ENTPD1: variants seen among roughly 807,000 people sequenced by gnomAD.
ENTPD1 encodes ectonucleoside triphosphate diphosphohydrolase 1.
ENTPD1 carries 33 observed loss-of-function variants against 57.0 expected under a neutral mutation model. The ratio of observed to expected loss-of-function variants is 0.58; its 90% confidence interval spans 0.44 to 0.77. ENTPD1 has a LOEUF of 0.77. Ranked by LOEUF, ENTPD1 falls within the 30% of genes least tolerant of loss-of-function variation. The pLI, the probability that ENTPD1 is intolerant of heterozygous loss-of-function variation, is 0.00. For synonymous variants in ENTPD1, 202 were observed against 218.8 expected (o/e 0.92, Z 0.68); for missense variants, 501 against 603.4 (o/e 0.83, Z 1.78).
chr10:95,756,687 T>C (rs12262943), intron 1 of ENTPD1: 9,385 of 168,922 alleles, frequency 0.056, 507 homozygotes, highest in East Asian at 0.16. Flanking sequence ...TCTTGCATGC[T>C]TTCCTGTTGT....
At chr10:95,781,065 C>T (rs2098155707) in intron 1 of ENTPD1, among the ~76,000 whole-genome samples, 1 of 152,162 alleles carries the variant, frequency 6.6e-6, no homozygotes, top group South Asian at 2.1e-4. Flanking sequence ...CAATGGACTG[C>T]TATTCAGCCA....
At chr10:95,766,448 G>A (rs1294789899) in intron 1 of ENTPD1, among the ~76,000 whole-genome samples, 1 of 152,038 alleles carries the variant, frequency 6.6e-6, no homozygotes, top group Non-Finnish European at 1.5e-5. Flanking sequence ...CTCTAACAGT[G>A]CTTCAAATAA....
chr10:95,764,774 G>C (rs1214402636), intron 1 of ENTPD1, among the ~76,000 whole-genome samples: 1 of 142,438 alleles, frequency 7.0e-6, no homozygotes, highest in Non-Finnish European at 1.5e-5. Flanking sequence ...CCAGGCTGGA[G>C]TGTGATGGCG....
intron 1 of ENTPD1, among the ~76,000 whole-genome samples, chr10:95,743,997 CATATATATATATAT>C (rs57187898): frequency 0.036 from 2,923 of 80,994 alleles, 113 homozygotes; most frequent in African/African-American, 0.077. Flanking sequence ...TATTTTAAAC[CATATATATATATAT>C]ATATATATAT....
chr10:95,831,946 C>G (rs1340560443), intron 2 of ENTPD1, among the ~76,000 whole-genome samples: 1 of 152,212 alleles, frequency 6.6e-6, no homozygotes, highest in Non-Finnish European at 1.5e-5. Context: ...ATTGTAGGCC[C>G]TGGCATATAT....
chr10:95,874,086 C>T lies in ENTPD1; in HGVS notation c.*7703C>T, dbSNP rs555453966. On this transcript the variant is annotated 3_prime_UTR_variant, in exon 10 of 10. Transcript: ENST00000371205. ...GCTCCTCCAAATTTCATAATCCTCACATTTCAAAACCAATCATTCCTTCCC... is the reference window on the plus strand; with the variant it reads ...GCTCCTCCAAATTTCATAATCCTCATATTTCAAAACCAATCATTCCTTCCC... Among the ~76,000 whole-genome samples, 65 of 152,302 alleles carry T rather than the reference C, an allele frequency of 4.3e-4. 2 individuals carry two copies. The South Asian group carries it at 0.013, about 31-fold the overall frequency.
intron 1 of ENTPD1, among the ~76,000 whole-genome samples, chr10:95,771,961 AGTAAC>A (rs2098117203): frequency 6.6e-6 from 1 of 152,244 alleles, no homozygotes; most frequent in Non-Finnish European, 1.5e-5. Context: ...CTACAAAGGA[AGTAAC>A]GTGATTAAAA....
chr10:95,767,109 A>C (rs926203868), intron 1 of ENTPD1, among the ~76,000 whole-genome samples: 3 of 151,788 alleles, frequency 2.0e-5, no homozygotes, highest in Non-Finnish European at 2.9e-5. Context: ...ATAAAAGAAA[A>C]GCATTCCATC....
intron 1 of ENTPD1, among the ~76,000 whole-genome samples, chr10:95,743,567 T>A (rs906913764): frequency 6.6e-6 from 1 of 152,230 alleles, no homozygotes; most frequent in African/African-American, 2.4e-5. Flanking sequence ...ATTTGTTTAT[T>A]TAATAATTCA....
intron 2 of ENTPD1, chr10:95,839,225 C>A: frequency 5.1e-6 from 1 of 194,554 alleles, no homozygotes; most frequent in Non-Finnish European, 1.1e-5. Context: ...GACACAATAC[C>A]ACATCAATTA....
At chr10:95,756,285 C>A in intron 1 of ENTPD1, 30 bp downstream of exon 1, 1 of 1,555,800 alleles carries the variant, frequency 6.4e-7, no homozygotes, top group Non-Finnish European at 8.7e-7. Flanking sequence ...GATCTGAATC[C>A]TTAAGAAAAA....
intron 1 of ENTPD1, among the ~76,000 whole-genome samples, chr10:95,744,331 T>C (rs1387072405): frequency 6.6e-6 from 1 of 152,120 alleles, no homozygotes; most frequent in Non-Finnish European, 1.5e-5. Flanking sequence ...CTGTAGACTT[T>C]ACTCACATCT....
At chr10:95,697,523 G>A in the ENTPD1 span, among the ~76,000 whole-genome samples, 2 of 152,176 alleles carry the variant, frequency 1.3e-5, no homozygotes, top group African/African-American at 4.8e-5. Context: ...TGATCATGAG[G>A]TCTCTGCCTT....
At chr10:95,741,914 G>A (rs1566098289) in intron 1 of ENTPD1, among the ~76,000 whole-genome samples, 1 of 152,194 alleles carries the variant, frequency 6.6e-6, no homozygotes, top group Non-Finnish European at 1.5e-5. Context: ...AGGGCCTAAT[G>A]TAAAGGAGAA....
intron 1 of ENTPD1, among the ~76,000 whole-genome samples, chr10:95,815,699 C>T (rs1471345535): frequency 6.6e-6 from 1 of 152,034 alleles, no homozygotes; most frequent in Non-Finnish European, 1.5e-5. Flanking sequence ...TGTATCCATA[C>T]GGGTCTGCAG....
chr10:95,698,973 G>GA, the ENTPD1 span, among the ~76,000 whole-genome samples: 35 of 151,994 alleles, frequency 2.3e-4, no homozygotes, highest in African/African-American at 7.7e-4. Flanking sequence ...ATTTGAAAAA[G>GA]AAAAAACCCA....
In ENTPD1 at chr10:95,871,637, T is replaced by C. The variant is rs1358551187; in HGVS notation, c.*5254T>C. 3 of 985,286 alleles carry C rather than the reference T, an allele frequency of 3.0e-6. No individual in the cohort carries two copies. The highest frequency in any genetic ancestry group is 3.6e-6 in the Non-Finnish European group (3 of 829,902). The allele number at this position is 985,286 out of a possible 1,614,324, so 61.0% of individuals were successfully genotyped here. ...AAAAGTGGCATTCAAGACTCTTCAT[T>C]TGAAGTGAAGATTGCTATGTCTTTT... On this transcript the variant is annotated 3_prime_UTR_variant, in exon 10 of 10. Coordinates refer to ENST00000371205, the MANE Select transcript of ENTPD1 (RefSeq NM_001776.6).
intron 1 of ENTPD1, among the ~76,000 whole-genome samples, chr10:95,802,163 T>C (rs765988712): frequency 2.6e-5 from 4 of 152,178 alleles, no homozygotes; most frequent in Non-Finnish European, 4.4e-5. Context: ...ATTGGTTTGT[T>C]TCAGAAAGGT....
intron 1 of ENTPD1, among the ~76,000 whole-genome samples, chr10:95,814,946 C>A: frequency 6.6e-6 from 1 of 151,854 alleles, no homozygotes; most frequent in Admixed American, 6.6e-5. Context: ...TTTCCTCCTT[C>A]TTTTTTGCCT....
Sources: allele counts gnomAD v4.1 joint callset (sites outside exome capture counted in the v4.1 genomes callset), GRCh38; gene constraint gnomAD v4.1.1; transcripts MANE v1.5; gene names NCBI Gene and HGNC (gene_info 2026-07-23, HGNC 2026-07-21).